The following ST8SIA4 variants were observed in gnomAD, a reference collection of about 807,000 sequenced individuals.
ST8SIA4 encodes CMP-N-acetylneuraminate-poly-alpha-2,8-sialyltransferase.
A neutral mutation model predicts 33.9 loss-of-function variants in ST8SIA4; 15 were observed. That is an observed-to-expected ratio of 0.44 (90% CI 0.30 to 0.68). ST8SIA4 has a LOEUF of 0.68. Ranked by LOEUF, ST8SIA4 falls within the 30% of genes least tolerant of loss-of-function variation. ST8SIA4 has a pLI of 0.10. For missense variants in ST8SIA4, 321 were observed against 428.0 expected, an observed-to-expected ratio of 0.75 and a Z score of 2.21; for synonymous variants, 171 against 151.2, an observed-to-expected ratio of 1.13 and a Z score of -0.96.
At chr5:100,867,452 A>C (rs1225817030) in intron 3 of ST8SIA4, among the ~76,000 whole-genome samples, 1 of 152,036 alleles carries the variant, frequency 6.6e-6, no homozygotes, top group Admixed American at 6.6e-5. Context: ...TTGTGCACTA[A>C]AAAGAACGAA....
chr5:100,876,687 CTTAAA>C (rs1036651033), intron 3 of ST8SIA4, among the ~76,000 whole-genome samples: 4 of 151,782 alleles, frequency 2.6e-5, no homozygotes, highest in African/African-American at 7.3e-5. Context: ...AAAATTCTTA[CTTAAA>C]TTAGAGTTTT....
At chr5:100,854,486 G>C (rs1442314653) in intron 4 of ST8SIA4, among the ~76,000 whole-genome samples, 1 of 152,124 alleles carries the variant, frequency 6.6e-6, no homozygotes, top group African/African-American at 2.4e-5. Flanking sequence ...GGGAGGCTGA[G>C]GCAGGAGAAC....
chr5:100,874,176 T>C (rs2112459965), intron 3 of ST8SIA4, among the ~76,000 whole-genome samples: 1 of 152,298 alleles, frequency 6.6e-6, no homozygotes, highest in East Asian at 1.9e-4. Flanking sequence ...ATATGCAATC[T>C]TTCAAACTCT....
intron 2 of ST8SIA4, chr5:100,890,462 C>T (rs997245122): frequency 2.0e-5 from 3 of 151,884 alleles, no homozygotes; most frequent in Non-Finnish European, 3.0e-5. Flanking sequence ...GCAGGTCAAA[C>T]AAAATTATTT....
At chr5:100,862,647 C>T (rs112257040) in intron 3 of ST8SIA4, among the ~76,000 whole-genome samples, 2,884 of 152,206 alleles carry the variant, frequency 0.019, 99 homozygotes, top group African/African-American at 0.067. Context: ...GGTGATCCAC[C>T]CGCCTCTGCC....
At chr5:100,833,595 A>T (rs781492011) in intron 4 of ST8SIA4, among the ~76,000 whole-genome samples, 4 of 152,156 alleles carry the variant, frequency 2.6e-5, no homozygotes, top group Non-Finnish European at 4.4e-5. Context: ...AGGAGTAATA[A>T]CAAACCTATG....
chr5:100,841,126 G>C (rs138170115), intron 4 of ST8SIA4, among the ~76,000 whole-genome samples: 69 of 151,978 alleles, frequency 4.5e-4, no homozygotes, highest in African/African-American at 1.6e-3. Context: ...TGTCATGTTG[G>C]TAATTTCTAC....
At chr5:100,881,077 C>T (rs1370639699) in intron 3 of ST8SIA4, among the ~76,000 whole-genome samples, 1 of 152,118 alleles carries the variant, frequency 6.6e-6, no homozygotes, top group Non-Finnish European at 1.5e-5. Flanking sequence ...ATTTTGTATG[C>T]AGGTAAGACT....
chr5:100,894,160 T>G (rs1021972088), intron 2 of ST8SIA4, among the ~76,000 whole-genome samples: 4 of 152,088 alleles, frequency 2.6e-5, no homozygotes, highest in African/African-American at 9.7e-5. Context: ...AATGTCAAAC[T>G]TGAGAGACCA....
chr5:100,816,703 T>G (rs1276993888), intron 4 of ST8SIA4: 1 of 441,282 alleles, frequency 2.3e-6, no homozygotes, highest in African/African-American at 2.1e-5. Flanking sequence ...AAGCAAAGTT[T>G]CCATTAATGA....
intron 4 of ST8SIA4, among the ~76,000 whole-genome samples, chr5:100,817,109 ATTTTTTTTTTTTTTTTT>A (rs57222657): frequency 1.9e-4 from 14 of 74,362 alleles, no homozygotes; most frequent in African/African-American, 5.3e-4. Flanking sequence ...CACCCAGCTA[ATTTTTTTTTTTTTTTTT>A]TTTTTTTTTT....
intron 3 of ST8SIA4, among the ~76,000 whole-genome samples, chr5:100,875,936 A>T (rs1449959289): frequency 6.6e-6 from 1 of 152,110 alleles, no homozygotes; most frequent in African/African-American, 2.4e-5. Context: ...GTAGTGTTTT[A>T]GTGTTTTACA....
chr5:100,852,168 T>C (rs1751717602), intron 4 of ST8SIA4, among the ~76,000 whole-genome samples: 1 of 132,540 alleles, frequency 7.5e-6, no homozygotes, highest in Admixed American at 8.7e-5. Context: ...TCATCCAGGC[T>C]GGAGTGCAGT....
At chr5:100,893,476 A>G (rs1351537254) in intron 2 of ST8SIA4, among the ~76,000 whole-genome samples, 4 of 152,158 alleles carry the variant, frequency 2.6e-5, no homozygotes, top group Non-Finnish European at 5.9e-5. Context: ...CATTTCATTC[A>G]TACTATCAGC....
At chr5:100,845,052 T>A (rs1751542492) in intron 4 of ST8SIA4, among the ~76,000 whole-genome samples, 1 of 152,084 alleles carries the variant, frequency 6.6e-6, no homozygotes, top group South Asian at 2.1e-4. Flanking sequence ...ACTTCTTGTA[T>A]GTTGAGCTGG....
intron 4 of ST8SIA4, among the ~76,000 whole-genome samples, chr5:100,818,398 G>C (rs1181654396): frequency 6.6e-6 from 1 of 152,072 alleles, no homozygotes; most frequent in Non-Finnish European, 1.5e-5. Context: ...GAGAGGACTA[G>C]TATAAAGGAC....
intron 4 of ST8SIA4, among the ~76,000 whole-genome samples, chr5:100,831,376 A>C (rs1187002775): frequency 6.6e-6 from 1 of 152,216 alleles, no homozygotes; most frequent in Non-Finnish European, 1.5e-5. Context: ...CCACATCAAG[A>C]CAATCTCCAA....
intron 1 of ST8SIA4, among the ~76,000 whole-genome samples, chr5:100,896,186 A>G (rs777061205): frequency 3.3e-5 from 5 of 152,074 alleles, no homozygotes; most frequent in Non-Finnish European, 7.4e-5. Context: ...TAGCTAAGAT[A>G]TAGAAATAAT....
intron 4 of ST8SIA4, among the ~76,000 whole-genome samples, chr5:100,825,594 T>G (rs1214689850): frequency 6.6e-6 from 1 of 152,230 alleles, no homozygotes; most frequent in East Asian, 1.9e-4. Flanking sequence ...TTGATTGCTC[T>G]TTCCACTGCA....
Sources: gnomAD v4.1 joint callset for allele counts (sites outside exome capture counted in the v4.1 genomes callset) on GRCh38, gnomAD v4.1.1 for gene constraint, MANE v1.5 for transcripts, NCBI Gene and HGNC (gene_info 2026-07-23, HGNC 2026-07-21) for gene names.